Variants in BCAS3 observed in about 807,000 individuals in gnomAD.
BCAS3 encodes BCAS4/BCAS3 fusion.
Under a neutral mutation model 116.1 loss-of-function variants are expected in BCAS3, and 53 were observed. The ratio of observed to expected loss-of-function variants is 0.46; its 90% CI spans 0.37 to 0.57. BCAS3 has a LOEUF of 0.57. Ranked by LOEUF, BCAS3 falls within the 20% of genes least tolerant of loss-of-function variation. The pLI is 0.00. For missense variants in BCAS3, 917 were observed against 1,165.4 expected (o/e 0.79, Z 3.10); for synonymous variants, 391 against 408.2 (o/e 0.96, Z 0.51).
At chr17:61,386,746 C>A (rs1478193943) in intron 23 of BCAS3, among the ~76,000 whole-genome samples, 1 of 151,962 alleles carries the variant, frequency 6.6e-6, no homozygotes. Context: ...CCAGAGAACA[C>A]CAAGCCCAAA....
In BCAS3 at chr17:60,816,270, TTTTCTTTTC is replaced by T. The variant is rs1216661608; in HGVS notation, c.476+8198_476+8206del. ...CTTTTGATGTATAACTTTTCTTTCTTTTTCTTTTCTTTTTTTTTTTTTTGAGACGGAGTC... is the reference window on the plus strand; with the variant it reads ...CTTTTGATGTATAACTTTTCTTTCTTTTTTTTTTTTTTTTGAGACGGAGTC... On this transcript the variant is annotated intron_variant, in intron 7 of 23. Transcript: ENST00000407086. 5.7e-4 allele frequency among the ~76,000 whole-genome samples: 76 copies of T among 132,758 alleles called. 2 individuals carry two copies. Among genetic ancestry groups the T allele is most frequent in the African/African-American group, 2.8e-3 (69 of 24,608 alleles). The allele number at this position is 132,758 out of a possible 152,430, so 87.1% of individuals were successfully genotyped here.
intron 22 of BCAS3, among the ~76,000 whole-genome samples, chr17:61,274,154 C>T (rs1054339363): frequency 3.3e-5 from 5 of 151,672 alleles, no homozygotes; most frequent in African/African-American, 1.2e-4. Context: ...GTTCCCCTTC[C>T]TGTGTCCATG....
intron 6 of BCAS3, among the ~76,000 whole-genome samples, chr17:60,769,498 C>CACTAGCCCCA (rs2044438504): frequency 6.6e-6 from 1 of 152,204 alleles, no homozygotes; most frequent in African/African-American, 2.4e-5. Context: ...TTAGACCTAA[C>CACTAGCCCCA]CCTAGCCCCA....
chr17:61,146,694 C>T (rs1246794507), intron 22 of BCAS3, among the ~76,000 whole-genome samples: 3 of 152,128 alleles, frequency 2.0e-5, no homozygotes, highest in Non-Finnish European at 4.4e-5. Flanking sequence ...TTCCTTGTGA[C>T]TCTCATAATC....
At chr17:61,072,690 AAAAAG>A (rs1368085911) in intron 19 of BCAS3, among the ~76,000 whole-genome samples, 1 of 151,726 alleles carries the variant, frequency 6.6e-6, no homozygotes, top group Admixed American at 6.6e-5. Context: ...AAAAAAAAAA[AAAAAG>A]AAGAAAGGAA....
At chr17:60,751,189 A>T (rs2042423505) in intron 6 of BCAS3, among the ~76,000 whole-genome samples, 1 of 152,212 alleles carries the variant, frequency 6.6e-6, no homozygotes, top group Non-Finnish European at 1.5e-5. Context: ...ATGTCAACAC[A>T]GCTTATGCAT....
At chr17:60,862,935 G>A (rs974525064) in intron 7 of BCAS3, among the ~76,000 whole-genome samples, 2 of 152,018 alleles carry the variant, frequency 1.3e-5, no homozygotes, top group Non-Finnish European at 2.9e-5. Flanking sequence ...TGTTTTGTCA[G>A]TTATATCTAT....
chr17:60,782,921 G>A (rs2045957388), intron 6 of BCAS3, among the ~76,000 whole-genome samples: 1 of 151,934 alleles, frequency 6.6e-6, no homozygotes, highest in Admixed American at 6.6e-5. Context: ...GGCTTACTCT[G>A]TCATGCCAAT....
intron 22 of BCAS3, among the ~76,000 whole-genome samples, chr17:61,330,537 G>A (rs1341073823): frequency 1.3e-5 from 2 of 152,196 alleles, no homozygotes; most frequent in African/African-American, 4.8e-5. Flanking sequence ...TTATGAAAGA[G>A]GTCAGCATGT....
chr17:61,055,813 A>T (rs893504728), intron 19 of BCAS3, among the ~76,000 whole-genome samples: 4 of 152,270 alleles, frequency 2.6e-5, no homozygotes, highest in African/African-American at 4.8e-5. Flanking sequence ...TTCTAGTTTT[A>T]AAAAATTGCC....
chr17:60,887,667 T>G (rs899659627), intron 9 of BCAS3, among the ~76,000 whole-genome samples: 6 of 152,132 alleles, frequency 3.9e-5, no homozygotes, highest in Non-Finnish European at 8.8e-5. Flanking sequence ...CTTATAAATG[T>G]AAATAACTGT....
intron 13 of BCAS3, among the ~76,000 whole-genome samples, chr17:60,928,998 A>T (rs2059501951): frequency 6.6e-6 from 1 of 152,188 alleles, no homozygotes; most frequent in Non-Finnish European, 1.5e-5. Context: ...TTTTTCCCTT[A>T]AATTATTATT....
intron 3 of BCAS3, among the ~76,000 whole-genome samples, chr17:60,684,731 A>C (rs2033768344): frequency 6.6e-6 from 1 of 152,148 alleles, no homozygotes; most frequent in African/African-American, 2.4e-5. Context: ...TTTGGGAAGC[A>C]CTGTTCTAGT....
rs566721738 is a variant in BCAS3 at position 61,220,355 on chromosome 17, A to G, written c.2425+135791A>G. ...TCATTTGATGGAGTCACAATAATCT[A>G]TTTGGAGAATATCAGGCCCACAGCT... is the stretch of plus-strand genomic sequence containing the variant. On this transcript the variant is annotated intron_variant, in intron 22 of 23. Transcript: ENST00000407086. The surrounding 1 kb of genome is among the most constrained non-coding windows in gnomAD (Gnocchi z 4.5). Among the ~76,000 whole-genome samples, 1 of 152,316 alleles carries G rather than the reference A, an allele frequency of 6.6e-6. No homozygotes were observed. The highest frequency in any genetic ancestry group is 1.9e-4 in the East Asian group (1 of 5,186).
At chr17:60,739,169 CTT>C (rs984627734) in intron 5 of BCAS3, among the ~76,000 whole-genome samples, 2 of 152,132 alleles carry the variant, frequency 1.3e-5, no homozygotes, top group African/African-American at 4.8e-5. Flanking sequence ...ATAATTCTCT[CTT>C]GTTTCTTGTA....
At chr17:61,053,987 G>C (rs2069124104) in intron 19 of BCAS3, among the ~76,000 whole-genome samples, 1 of 152,110 alleles carries the variant, frequency 6.6e-6, no homozygotes, top group African/African-American at 2.4e-5. Flanking sequence ...TTATAACTTG[G>C]GGAATATTAT....
chr17:60,839,783 T>G (rs2051725986), intron 7 of BCAS3, among the ~76,000 whole-genome samples: 1 of 152,168 alleles, frequency 6.6e-6, no homozygotes, highest in Non-Finnish European at 1.5e-5. Context: ...TAAAAATAAG[T>G]GTTTCCATGC....
Position 61,354,695 on chromosome 17 carries a change from G to A in BCAS3, c.2426-13632G>A, listed in dbSNP as rs2058052152. Reference sequence around the variant, plus strand: ...ACCCTGCACCTGAAAATCTGGTACAGGTTTGTCCTTTGGAGTGAGAGCTCT... The same window carrying A: ...ACCCTGCACCTGAAAATCTGGTACAAGTTTGTCCTTTGGAGTGAGAGCTCT... On this transcript the variant is annotated intron_variant, in intron 22 of 23. Coordinates refer to ENST00000407086, the MANE Select transcript of BCAS3 (RefSeq NM_017679.5). The surrounding 1 kb of genome is among the most constrained non-coding windows in gnomAD (Gnocchi z 4.5). 6.6e-6 allele frequency: 1 copy of A among 152,258 alleles called. No homozygotes were observed. Among genetic ancestry groups the A allele is most frequent in the South Asian group, 2.1e-4 (1 of 4,834 alleles). 9.4% of individuals were successfully genotyped at this position (152,258 alleles called of 1,614,324 possible).
chr17:61,380,975 T>C lies in BCAS3; in HGVS notation c.2594-11002T>C, dbSNP rs2059577985. On this transcript the variant is annotated intron_variant, in intron 23 of 23. Transcript: ENST00000407086. The surrounding 1 kb of genome is among the most constrained non-coding windows in gnomAD (Gnocchi z 4.2). ...GCAGGAGCCTGGAGCTGGCCCCTAG[T>C]ATAATTGGTGCTGTCTCTATTTTTA... 6.6e-6 allele frequency among the ~76,000 whole-genome samples: 1 copy of C among 152,242 alleles called. No homozygotes were observed. Among genetic ancestry groups the C allele is most frequent in the Admixed American group, 6.5e-5 (1 of 15,286 alleles).
Sources: gnomAD v4.1 joint callset for allele counts (sites outside exome capture counted in the v4.1 genomes callset) on GRCh38, gnomAD v4.1.1 for gene constraint, Gnocchi (gnomAD v3.1) non-coding constraint, MANE v1.5 for transcripts, NCBI Gene and HGNC (gene_info 2026-07-23, HGNC 2026-07-21) for gene names.